Variants in DLC1 observed in about 807,000 individuals in gnomAD.
DLC1 encodes the protein rho GTPase-activating protein 7.
DLC1 carries 54 observed loss-of-function variants against 140.3 expected under a neutral mutation model. That is an observed-to-expected ratio of 0.38 (90% CI 0.31 to 0.48). DLC1 has a LOEUF of 0.48. DLC1 is among the 20% of genes least tolerant of loss of function. The pLI, the probability that DLC1 is intolerant of heterozygous loss-of-function variation, is 0.96. For synonymous variants in DLC1, 986 were observed against 728.1 expected (o/e 1.35, Z -5.70); for missense variants, 2,536 against 1,907.0 (o/e 1.33, Z -6.14).
chr8:13,207,498 T>G (rs1827725319), intron 5 of DLC1, among the ~76,000 whole-genome samples: 1 of 152,194 alleles, frequency 6.6e-6, no homozygotes, highest in Admixed American at 6.5e-5. Context: ...TCAAGCATAT[T>G]CTGTCATATT....
At chr8:13,264,052 T>TTTTATTTATTTA (rs3065458) in intron 5 of DLC1, among the ~76,000 whole-genome samples, 47,820 of 142,814 alleles carry the variant, frequency 0.33, 8,798 homozygotes, top group East Asian at 0.67. Context: ...ATAAGAAGCT[T>TTTTATTTATTTA]TTTATTTATT....
At chr8:13,282,531 G>T (rs1209289183) in intron 5 of DLC1, among the ~76,000 whole-genome samples, 3 of 152,118 alleles carry the variant, frequency 2.0e-5, no homozygotes, top group Admixed American at 2.0e-4. Context: ...ACCTTAGCAA[G>T]AACAGAATAT....
intron 5 of DLC1, among the ~76,000 whole-genome samples, chr8:13,267,576 C>A (rs1414849986): frequency 6.6e-6 from 1 of 152,112 alleles, no homozygotes; most frequent in Non-Finnish European, 1.5e-5. Flanking sequence ...CCAGATAAAA[C>A]AAAGTCTAGA....
intron 2 of DLC1, among the ~76,000 whole-genome samples, chr8:13,409,237 A>G (rs1837687274): frequency 6.6e-6 from 1 of 152,188 alleles, no homozygotes; most frequent in African/African-American, 2.4e-5. Flanking sequence ...TAATACATAA[A>G]TAATCTGATA....
chr8:13,600,537 C>A (rs1207486132), intron 1 of DLC1, among the ~76,000 whole-genome samples: 1 of 151,864 alleles, frequency 6.6e-6, no homozygotes, highest in Non-Finnish European at 1.5e-5. Context: ...GGTTCTCCAG[C>A]AGTCATCTTC....
intron 5 of DLC1, among the ~76,000 whole-genome samples, chr8:13,162,601 G>T (rs1272650895): frequency 1.3e-5 from 2 of 152,156 alleles, no homozygotes; most frequent in Non-Finnish European, 2.9e-5. Flanking sequence ...AGGATTACAG[G>T]CGTGAGCCAC....
At chr8:13,413,074 C>T (rs1391693013) in intron 2 of DLC1, among the ~76,000 whole-genome samples, 1 of 151,928 alleles carries the variant, frequency 6.6e-6, no homozygotes, top group African/African-American at 2.4e-5. Context: ...GCATAACCTG[C>T]CCAACAGTAC....
intron 2 of DLC1, among the ~76,000 whole-genome samples, chr8:13,405,889 C>A (rs1459348254): frequency 8.7e-6 from 1 of 114,374 alleles, no homozygotes; most frequent in East Asian, 2.8e-4. Flanking sequence ...CTTTTCTTTT[C>A]TTTCTTTCTT....
chr8:13,294,347 A>T (rs1482089253), intron 5 of DLC1, among the ~76,000 whole-genome samples: 8 of 152,246 alleles, frequency 5.3e-5, no homozygotes, highest in Non-Finnish European at 8.8e-5. Flanking sequence ...CATTGCTGAG[A>T]TAAATGGAAC....
chr8:13,243,226 G>A (rs1348723131), intron 5 of DLC1, among the ~76,000 whole-genome samples: 1 of 148,144 alleles, frequency 6.8e-6, no homozygotes, highest in Non-Finnish European at 1.5e-5. Context: ...GGAGCTGGAG[G>A]TTGCAGTGAG....
intron 5 of DLC1, among the ~76,000 whole-genome samples, chr8:13,284,393 G>A (rs368109830): frequency 1.3e-5 from 2 of 152,080 alleles, no homozygotes; most frequent in Non-Finnish European, 2.9e-5. Flanking sequence ...TGGGCGTGGT[G>A]GCGGGCGCCT....
intron 5 of DLC1, among the ~76,000 whole-genome samples, chr8:13,200,660 A>G (rs1321697494): frequency 6.6e-6 from 1 of 152,032 alleles, no homozygotes; most frequent in East Asian, 1.9e-4. Context: ...GCTGGCCTGC[A>G]GTAGTACAGT....
At chr8:13,423,569 G>C (rs992653504) in intron 2 of DLC1, among the ~76,000 whole-genome samples, 1 of 152,062 alleles carries the variant, frequency 6.6e-6, no homozygotes, top group Non-Finnish European at 1.5e-5. Context: ...AGTATCTTCA[G>C]TACTAAGGAG....
intron 11 of DLC1, 34 bp downstream of exon 11, chr8:13,095,052 C>G: frequency 6.2e-7 from 1 of 1,613,716 alleles, no homozygotes; most frequent in Non-Finnish European, 8.5e-7. Flanking sequence ...TCCGAGCTCC[C>G]CTGAGTACGT....
intron 1 of DLC1, among the ~76,000 whole-genome samples, chr8:13,537,451 A>T (rs1803321342): frequency 6.6e-6 from 1 of 152,266 alleles, no homozygotes; most frequent in Non-Finnish European, 1.5e-5. Context: ...ATCCCACATA[A>T]TATATCCAAA....
intron 1 of DLC1, among the ~76,000 whole-genome samples, chr8:13,508,768 A>T (rs1339600810): frequency 1.3e-5 from 2 of 151,132 alleles, no homozygotes; most frequent in Non-Finnish European, 3.0e-5. Flanking sequence ...TCCATGTTTT[A>T]TTTTTTTTTA....
chr8:13,312,756 G>A (rs758372111), intron 4 of DLC1, among the ~76,000 whole-genome samples: 4 of 151,814 alleles, frequency 2.6e-5, no homozygotes, highest in African/African-American at 4.8e-5. Flanking sequence ...TTATTTTATT[G>A]TTCTGTATGA....
chr8:13,269,885 G>C (rs552371958), intron 5 of DLC1, among the ~76,000 whole-genome samples: 2 of 144,852 alleles, frequency 1.4e-5, no homozygotes, highest in Non-Finnish European at 3.0e-5. Context: ...GTGAAACCCC[G>C]TCTCTACTAA....
intron 5 of DLC1, among the ~76,000 whole-genome samples, chr8:13,184,565 T>A (rs1346999381): frequency 2.0e-5 from 3 of 152,226 alleles, no homozygotes; most frequent in Non-Finnish European, 4.4e-5. Flanking sequence ...TACCCAGTAG[T>A]CATTCAGGAG....
Sources: gnomAD v4.1 joint callset for allele counts (sites outside exome capture counted in the v4.1 genomes callset) on GRCh38, gnomAD v4.1.1 for gene constraint, MANE v1.5 for transcripts, NCBI Gene and HGNC (gene_info 2026-07-23, HGNC 2026-07-21) for gene names.